SPATS2: variants seen among roughly 807,000 people sequenced by gnomAD.
SPATS2 encodes the protein spermatogenesis-associated serine-rich protein 2.
SPATS2 carries 38 observed loss-of-function variants against 63.7 expected under a neutral mutation model. The observed-to-expected ratio is 0.60, with a 90% confidence interval of 0.46 to 0.78. SPATS2 has a LOEUF of 0.78. Among genes scored for constraint, SPATS2 ranks in the 30% least tolerant of loss-of-function variants. The pLI is 0.00. For missense variants in SPATS2, 588 were observed against 666.2 expected (o/e 0.88, Z 1.29); for synonymous variants, 207 against 232.9 (o/e 0.89, Z 1.01).
chr12:49,466,541 G>A (rs1482846228), intron 3 of SPATS2, among the ~76,000 whole-genome samples: 1 of 152,136 alleles, frequency 6.6e-6, no homozygotes, highest in African/African-American at 2.4e-5. Context: ...GTTACAGCAC[G>A]TTTTGTTGAC....
chr12:49,402,804 G>A (rs940169171), intron 2 of SPATS2, among the ~76,000 whole-genome samples: 7 of 152,082 alleles, frequency 4.6e-5, no homozygotes, highest in African/African-American at 7.2e-5. Context: ...AAACAAACTA[G>A]GTACAAGATA....
intron 2 of SPATS2, among the ~76,000 whole-genome samples, chr12:49,419,741 A>G (rs1944947486): frequency 6.6e-6 from 1 of 152,232 alleles, no homozygotes; most frequent in Non-Finnish European, 1.5e-5. Flanking sequence ...TTCATATGAC[A>G]TATACTAGTA....
At chr12:49,468,349 G>A (rs1203204950) in intron 3 of SPATS2, among the ~76,000 whole-genome samples, 6 of 151,560 alleles carry the variant, frequency 4.0e-5, no homozygotes, top group East Asian at 1.9e-4. Flanking sequence ...TAGTAGAGAC[G>A]GGGTTTCACC....
chr12:49,375,141 AGTGTGTGTGTGTGTGT>A (rs10601423), intron 2 of SPATS2, among the ~76,000 whole-genome samples: 1,248 of 123,350 alleles, frequency 0.01, 16 homozygotes, highest in African/African-American at 0.031. Flanking sequence ...CAAGTTGTGG[AGTGTGTGTGTGTGTGT>A]GTGTGTGTGT....
chr12:49,459,940 GA>G (rs533258878), intron 2 of SPATS2, among the ~76,000 whole-genome samples: 28,544 of 105,658 alleles, frequency 0.27, 3,655 homozygotes, highest in African/African-American at 0.43. Flanking sequence ...TGTCTCTACT[GA>G]AAAAAAAAAA....
At chr12:49,393,746 C>T (rs1326704655) in intron 2 of SPATS2, among the ~76,000 whole-genome samples, 2 of 152,156 alleles carry the variant, frequency 1.3e-5, no homozygotes, top group African/African-American at 4.8e-5. Context: ...TTTGATGTGA[C>T]CCCAGTAGTC....
intron 9 of SPATS2, among the ~76,000 whole-genome samples, chr12:49,508,953 A>G (rs1946699132): frequency 6.6e-6 from 1 of 151,924 alleles, no homozygotes. Context: ...AGTCCCCACT[A>G]CTTGGGAGGC....
rs545348951 is a variant in SPATS2 at position 49,467,890 on chromosome 12, C to T, written c.25+6853C>T. 4.6e-5 allele frequency among the ~76,000 whole-genome samples: 7 copies of T among 151,626 alleles called. No individual in the cohort carries two copies. In the East Asian group the frequency reaches 9.8e-4, roughly 21 times the overall value. Reference sequence around the variant, plus strand: ...CTGGGACTACAGGCACCTGCCACCACGCCCGGCTAATTTTTTGTATTTTTA... The same window carrying T: ...CTGGGACTACAGGCACCTGCCACCATGCCCGGCTAATTTTTTGTATTTTTA... On this transcript the variant is annotated intron_variant, in intron 3 of 13. Transcript: ENST00000552918.
chr12:49,488,756 T>C (rs1293941716), intron 4 of SPATS2, among the ~76,000 whole-genome samples: 1 of 152,176 alleles, frequency 6.6e-6, no homozygotes, highest in Non-Finnish European at 1.5e-5. Flanking sequence ...TATGATATAA[T>C]ATTTATGTAT....
intron 2 of SPATS2, among the ~76,000 whole-genome samples, chr12:49,396,522 C>T (rs557142931): frequency 1.3e-5 from 2 of 152,174 alleles, no homozygotes; most frequent in Non-Finnish European, 2.9e-5. Context: ...TCCTTTGCTT[C>T]TACTATGGTA....
intron 2 of SPATS2, among the ~76,000 whole-genome samples, chr12:49,399,038 T>G (rs1944560849): frequency 6.6e-6 from 1 of 152,210 alleles, no homozygotes; most frequent in South Asian, 2.1e-4. Context: ...TCCTTCCTCT[T>G]TATTTTGCCT....
At chr12:49,502,150 G>A (rs1221825009) in intron 9 of SPATS2, among the ~76,000 whole-genome samples, 1 of 152,172 alleles carries the variant, frequency 6.6e-6, no homozygotes, top group Non-Finnish European at 1.5e-5. Context: ...CTTTCTTGCT[G>A]CCTGTAGACT....
At chr12:49,483,769 T>C (rs1385694474) in intron 3 of SPATS2, among the ~76,000 whole-genome samples, 1 of 152,116 alleles carries the variant, frequency 6.6e-6, no homozygotes, top group Non-Finnish European at 1.5e-5. Flanking sequence ...ATCAGTAATA[T>C]TGTTATCACC....
chr12:49,516,201 AT>A (rs1565760999), intron 10 of SPATS2, among the ~76,000 whole-genome samples: 8 of 107,822 alleles, frequency 7.4e-5, no homozygotes, highest in South Asian at 6.7e-4. Context: ...ATATATATAT[AT>A]ATATATAAAT....
At chr12:49,500,020 T>G in intron 8 of SPATS2, 50 bp from the exon 9 acceptor site, 2 of 1,324,156 alleles carry the variant, frequency 1.5e-6, no homozygotes, top group African/African-American at 3.1e-5. Flanking sequence ...TCAAGTTACC[T>G]ATATAATTAT....
chr12:49,489,129 TTCTTTAC>T (rs1946343667), intron 4 of SPATS2, among the ~76,000 whole-genome samples: 1 of 152,234 alleles, frequency 6.6e-6, no homozygotes, highest in Non-Finnish European at 1.5e-5. Context: ...CTTTCCACCT[TTCTTTAC>T]AGTATGCTAA....
intron 2 of SPATS2, among the ~76,000 whole-genome samples, chr12:49,417,521 C>G (rs190461286): frequency 1.3e-5 from 2 of 152,324 alleles, no homozygotes; most frequent in Admixed American, 1.3e-4. Flanking sequence ...CTTTGCTCAC[C>G]TTATGTGGTG....
At chr12:49,478,105 G>A (rs1946150020) in intron 3 of SPATS2, among the ~76,000 whole-genome samples, 1 of 151,358 alleles carries the variant, frequency 6.6e-6, no homozygotes, top group Non-Finnish European at 1.5e-5. Context: ...CTCCCAACTA[G>A]TTAGGACTAC....
chr12:49,480,822 C>T (rs1170241242), intron 3 of SPATS2, among the ~76,000 whole-genome samples: 10 of 151,524 alleles, frequency 6.6e-5, no homozygotes, highest in African/African-American at 2.2e-4. Context: ...AATAAATATG[C>T]ACCCTGGGTA....
Sources: allele counts gnomAD v4.1 joint callset (sites outside exome capture counted in the v4.1 genomes callset), GRCh38; gene constraint gnomAD v4.1.1; transcripts MANE v1.5; gene names NCBI Gene and HGNC (gene_info 2026-07-23, HGNC 2026-07-21).